Variants in LARGE2 observed in about 807,000 individuals in gnomAD.
LARGE2 encodes the protein xylosyl- and glucuronyltransferase LARGE2.
Under a neutral mutation model 75.3 loss-of-function variants are expected in LARGE2, and 63 were observed. That is an observed-to-expected ratio of 0.84 (90% CI 0.68 to 1.03). LARGE2 has a LOEUF of 1.03. Ranked by LOEUF, LARGE2 falls within the 50% of genes least tolerant of loss-of-function variation. The pLI is 0.00. For synonymous variants in LARGE2, 428 were observed against 420.1 expected (o/e 1.02, Z -0.23); for missense variants, 925 against 980.6 (o/e 0.94, Z 0.76).
At position 45,928,020 on chromosome 11, in the gene LARGE2, A is replaced by G. The variant is rs2087294383; in HGVS notation, c.1705A>G (p.Lys569Glu). The change falls in exon 12 of 14, where the codon AAG becomes GAG. Residue 569 changes from lysine (K) to glutamate (E), a missense_variant. By Grantham distance (56) the Lys-to-Glu change is moderately conservative. This residue lies in a region of LARGE2 where 469 missense variants were observed against 503.8 expected (regional missense o/e 0.93). Transcript: ENST00000401752. ...CTACCGCTTCAGCTTCCCCCATTCC[A>G]AGGTGGAGCTGTTGGCCTTGCTGGA... ...LRYRFSFPHS[K>E]VELLALLDAG... is the part of the protein sequence containing the mutation. The G allele has an allele frequency of 6.2e-7, 1 of 1,613,702 alleles. No individual in the cohort carries two copies. Among genetic ancestry groups the G allele is most frequent in the Admixed American group, 1.7e-5 (1 of 59,990 alleles).
At chr11:45,924,097 C>CTG (rs2087043736) in intron 3 of LARGE2, 57 bp from the exon 4 acceptor site, 1 of 1,583,798 alleles carries the variant, frequency 6.3e-7, no homozygotes, top group Non-Finnish European at 8.5e-7. Context: ...GGGGTGGGGG[C>CTG]TGTCCCATGT....
At position 45,928,700 on chromosome 11, in the gene LARGE2, C is replaced by CCCGCTT. The variant is rs781452860; in HGVS notation, c.2027_2032dup (p.Phe676_Arg677dup). On this transcript the variant is annotated inframe_insertion, in exon 14 of 14. Transcript: ENST00000401752. ...CCCCACGCTCCAAGCCTGGACATCT[C>CCCGCTT]CCGCTTCCGCTCCAGCCCCACCTAT... 1.2e-6 allele frequency: 2 copies of CCCGCTT among 1,614,058 alleles called. No individual in the cohort carries two copies. The highest frequency in any genetic ancestry group is 2.7e-5 in the African/African-American group (2 of 74,928).
At position 45,922,667 on chromosome 11, in the gene LARGE2, G is replaced by A. The variant is rs1276701846; in HGVS notation, c.-124G>A. ...CGGGACCGGCCCGCGCCTCTCCCCTGGTTCCCGCACCCTGGCCGGCGGCTG... is the reference window on the plus strand; with the variant it reads ...CGGGACCGGCCCGCGCCTCTCCCCTAGTTCCCGCACCCTGGCCGGCGGCTG... On this transcript the variant is annotated 5_prime_UTR_variant, in exon 1 of 14. Coordinates refer to ENST00000401752, the MANE Select transcript of LARGE2 (RefSeq NM_001300721.2). 3 of 353,652 alleles carry A rather than the reference G, an allele frequency of 8.5e-6. No homozygotes were observed. The highest frequency in any genetic ancestry group is 4.3e-5 in the East Asian group (1 of 23,280). 21.9% of individuals were successfully genotyped at this position (353,652 alleles called of 1,614,324 possible).
intron 3 of LARGE2, among the ~76,000 whole-genome samples, 169 bp from the exon 4 acceptor site, chr11:45,923,985 C>CAAAAAAAAA (rs60577963): frequency 1.9e-4 from 13 of 69,530 alleles, no homozygotes; most frequent in African/African-American, 7.0e-4. Flanking sequence ...GACTCCGTCT[C>CAAAAAAAAA]AAAAAAAAAA....
Position 45,928,973 on chromosome 11 carries a change from G to T in LARGE2, c.*128G>T. ...GCTGGGGCAGAGCATCTGTGGGGTG[G>T]GGTCTTCCCCTTGCTGCTATTGTAT... On this transcript the variant is annotated 3_prime_UTR_variant, in exon 14 of 14. Coordinates refer to ENST00000401752, the MANE Select transcript of LARGE2 (RefSeq NM_001300721.2). The T allele has an allele frequency of 7.8e-7, 1 of 1,285,128 alleles. No homozygotes were observed. Among genetic ancestry groups the T allele is most frequent in the Admixed American group, 2.2e-5 (1 of 45,332 alleles). The allele number at this position is 1,285,128 out of a possible 1,614,324, so 79.6% of individuals were successfully genotyped here.
intron 11 of LARGE2, 111 bp downstream of exon 11, chr11:45,927,704 G>A (rs2087245565): frequency 1.3e-6 from 2 of 1,501,762 alleles, no homozygotes; most frequent in Non-Finnish European, 1.8e-6. Context: ...AGTGGCCTCT[G>A]TCAATTGGGG....
intron 4 of LARGE2, 82 bp downstream of exon 4, chr11:45,924,359 G>C (rs2087055245): frequency 4.4e-6 from 7 of 1,582,296 alleles, no homozygotes; most frequent in Non-Finnish European, 6.0e-6. Flanking sequence ...TTGGAGAAGA[G>C]AATCATCAGT....
rs777561624 is a variant in LARGE2, at chr11:45,928,752, C to T, written c.2073C>T (p.Asp691=). 43 of 1,614,012 alleles carry T rather than the reference C, an allele frequency of 2.7e-5. No individual in the cohort carries two copies. Among genetic ancestry groups the T allele is most frequent in the South Asian group, 1.5e-4 (14 of 91,088 alleles). The change falls in exon 14 of 14, where the codon GAC becomes GAT. Residue 691 remains aspartate (D), a synonymous_variant. Coordinates refer to ENST00000401752, the MANE Select transcript of LARGE2 (RefSeq NM_001300721.2). ...TYRDCLQALK[D]EFHQDLSRHH... ...GTGACTGCCTCCAGGCCCTCAAGGA[C>T]GAATTCCACCAGGACTTGTCCCGCC... is the stretch of plus-strand genomic sequence containing the variant.
intron 5 of LARGE2, 26 bp from the exon 6 acceptor site, chr11:45,924,758 CA>C (rs1418199711): frequency 1.6e-5 from 25 of 1,519,324 alleles, no homozygotes; most frequent in Non-Finnish European, 2.1e-5. Flanking sequence ...CAGCTTCAGA[CA>C]GCTCCCTTAT....
chr11:45,928,126 AC>A (rs1406695924), intron 12 of LARGE2, 50 bp from the exon 13 acceptor site: 1 of 1,612,506 alleles, frequency 6.2e-7, no homozygotes, highest in African/African-American at 1.3e-5. Flanking sequence ...GGCCCCCACT[AC>A]CCACGAGCTC....
At position 45,924,542 on chromosome 11, in the gene LARGE2, G is replaced by C. The variant is rs377634656; in HGVS notation, c.529G>C (p.Gly177Arg). The C allele has an allele frequency of 2.5e-6, 4 of 1,613,676 alleles. No individual in the cohort carries two copies. Among genetic ancestry groups the C allele is most frequent in the Admixed American group, 3.3e-5 (2 of 60,026 alleles). ...VSWIPNKHYSGLYGLMKLVLP... is the reference protein window; with the variant it reads ...VSWIPNKHYSRLYGLMKLVLP... ...CTGGATCCCCAACAAGCACTACTCC[G>C]GCCTCTATGGGCTAATGAAGCTGGT... The change falls in exon 5 of 14, where the codon GGC becomes CGC. Residue 177 changes from glycine (G) to arginine (R), a missense_variant. Physicochemically the swap from Gly to Arg is moderately radical, Grantham distance 125. Coordinates refer to ENST00000401752, the MANE Select transcript of LARGE2 (RefSeq NM_001300721.2).
At chr11:45,923,622 G>C (rs1273149621) in intron 3 of LARGE2, 67 bp downstream of exon 3, 26 of 1,389,650 alleles carry the variant, frequency 1.9e-5, no homozygotes, top group Non-Finnish European at 2.3e-5. Flanking sequence ...ACAGGCTGCT[G>C]GTCTCAGAGC....
At chr11:45,928,108 C>A (rs2087302518) in intron 12 of LARGE2, 39 bp downstream of exon 12, 4 of 1,612,542 alleles carry the variant, frequency 2.5e-6, no homozygotes, top group Non-Finnish European at 2.5e-6. Context: ...CACTCACTTG[C>A]CCACACTGGC....
rs779321926 is a variant in LARGE2, at chr11:45,928,178, TA to T, written c.1757del (p.Tyr586SerfsTer163). ...LDAGTLYTFR[Y>X]HEWPRGHAPT... ...CTCCCACCCGACCCTGCTGCACAGG[TA>T]CCACGAGTGGCCCCGAGGCCACGCA... On this transcript the variant is annotated frameshift_variant and splice_region_variant, in exon 13 of 14. Transcript: ENST00000401752. LOFTEE classifies it high-confidence loss of function. The T allele has an allele frequency of 3.1e-6, 5 of 1,613,538 alleles. 1 individual carries two copies. In the South Asian group the frequency reaches 5.5e-5, roughly 18 times the overall value.
intron 4 of LARGE2, 65 bp downstream of exon 4, chr11:45,924,342 G>C: frequency 6.3e-7 from 1 of 1,590,764 alleles, no homozygotes; most frequent in Non-Finnish European, 8.6e-7. Context: ...TCCAAGACCT[G>C]GTGGGGTTGG....
intron 11 of LARGE2, 113 bp downstream of exon 11, chr11:45,927,706 C>A: frequency 6.7e-7 from 1 of 1,500,488 alleles, no homozygotes; most frequent in Non-Finnish European, 9.1e-7. Context: ...TGGCCTCTGT[C>A]AATTGGGGTT....
upstream of LARGE2, chr11:45,922,572 A>C: frequency 9.5e-6 from 2 of 209,760 alleles, no homozygotes; most frequent in Non-Finnish European, 1.9e-5. Context: ...CGGGGCCAGG[A>C]CCCCGGGGGG....
chr11:45,924,921 G>A, intron 6 of LARGE2, 32 bp downstream of exon 6: 1 of 1,368,088 alleles, frequency 7.3e-7, no homozygotes, highest in African/African-American at 1.5e-5. Flanking sequence ...GGCAGGCGGG[G>A]TGGTCTGCTG....
At position 45,927,336 on chromosome 11, in the gene LARGE2, G is replaced by T. The variant is rs1192358696; in HGVS notation, c.1347G>T (p.Leu449=). 1 of 1,613,546 alleles carries T rather than the reference G, an allele frequency of 6.2e-7. No homozygotes were observed. The highest frequency in any genetic ancestry group is 2.2e-5 in the East Asian group (1 of 44,884). ...ATAGGCTGCAGATGTTGGAAGCCCT[G>T]TGCAGGCACTGGCCTGGCCCCATGA... ...SMDRLQMLEA[L]CRHWPGPMSL... Residue 449 remains leucine (L), a synonymous_variant, in exon 11 of 14, where the codon CTG becomes CTT. Coordinates refer to ENST00000401752, the MANE Select transcript of LARGE2 (RefSeq NM_001300721.2).
Sources: gnomAD v4.1 joint callset for allele counts (sites outside exome capture counted in the v4.1 genomes callset) on GRCh38, gnomAD v4.1.1 for gene constraint, gnomAD v4.1.1 regional missense constraint, MANE v1.5 for transcripts, NCBI Gene and HGNC (gene_info 2026-07-23, HGNC 2026-07-21) for gene names.